The following HLCS variants were observed in gnomAD, a reference collection of about 807,000 sequenced individuals.
HLCS encodes the protein biotin--protein ligase.
In HLCS, 53 loss-of-function variants were observed where a neutral mutation model predicts 75.0. The observed-to-expected ratio is 0.71, with a 90% CI of 0.57 to 0.89. The LOEUF is 0.89. HLCS is among the 40% of genes least tolerant of loss of function. The pLI is 0.00. For synonymous variants in HLCS, 431 were observed against 428.6 expected (o/e 1.01, Z -0.07); for missense variants, 966 against 1,074.0 (o/e 0.90, Z 1.41).
intron 6 of HLCS, among the ~76,000 whole-genome samples, chr21:36,827,321 C>A (rs2062037850): frequency 6.6e-6 from 1 of 152,118 alleles, no homozygotes; most frequent in South Asian, 2.1e-4. Context: ...GTAATCCCAG[C>A]ACTTTGGGAT....
chr21:36,932,401 G>A (rs1001420173), intron 4 of HLCS, among the ~76,000 whole-genome samples: 9 of 152,152 alleles, frequency 5.9e-5, no homozygotes, highest in Non-Finnish European at 1.3e-4. Context: ...TACTGAGGAA[G>A]GCATACGATT....
In HLCS at chr21:36,752,815, G is replaced by A. The variant is rs2089419844; in HGVS notation, c.*1431C>T. 1 of 152,206 alleles carries A rather than the reference G, an allele frequency of 6.6e-6. No homozygotes were observed. Among genetic ancestry groups the A allele is most frequent in the Non-Finnish European group, 1.5e-5 (1 of 68,032 alleles). 9.4% of individuals were successfully genotyped at this position (152,206 alleles called of 1,614,324 possible). A position where few individuals can be genotyped will look rare whatever the true frequency, so the allele number is the denominator to read the frequency against. On this transcript the variant is annotated 3_prime_UTR_variant, in exon 11 of 11. Coordinates refer to ENST00000674895, the MANE Select transcript of HLCS (RefSeq NM_001352514.2). ...AGACAGACTATACTAAAAACCACAA[G>A]TTTCTGGAATTAGCCTGACTGGGTA... is the stretch of plus-strand genomic sequence containing the variant.
At chr21:36,947,593 G>C in intron 2 of HLCS, 1 of 985,432 alleles carries the variant, frequency 1.0e-6, no homozygotes, top group Non-Finnish European at 1.2e-6. Context: ...AGCCCTGGCT[G>C]TCCCTAAACA....
upstream of HLCS, among the ~76,000 whole-genome samples, chr21:36,971,268 T>C (rs953755042): frequency 6.6e-6 from 1 of 152,024 alleles, no homozygotes; most frequent in Non-Finnish European, 1.5e-5. Context: ...GGCCTCAGAG[T>C]AGCCTTACCC....
intron 6 of HLCS, among the ~76,000 whole-genome samples, chr21:36,775,341 G>A (rs1049534053): frequency 2.4e-4 from 36 of 152,208 alleles, no homozygotes; most frequent in Non-Finnish European, 4.4e-4. Flanking sequence ...ATGTTGGTCT[G>A]TATTATCCAA....
At chr21:36,920,002 C>T (rs191864259) in intron 5 of HLCS, among the ~76,000 whole-genome samples, 1 of 152,254 alleles carries the variant, frequency 6.6e-6, no homozygotes, top group African/African-American at 2.4e-5. Flanking sequence ...TGTCTACCCT[C>T]CCTCCCAACA....
At chr21:36,973,772 C>G (rs1286466670) in intron 1 of HLCS, 1 of 152,248 alleles carries the variant, frequency 6.6e-6, no homozygotes, top group Non-Finnish European at 1.5e-5. Flanking sequence ...GGGTGGATCA[C>G]CTGAGGTCAG....
intron 6 of HLCS, among the ~76,000 whole-genome samples, chr21:36,772,484 A>G (rs2060237142): frequency 6.6e-6 from 1 of 151,908 alleles, no homozygotes; most frequent in Non-Finnish European, 1.5e-5. Flanking sequence ...CAAAAAATAC[A>G]AAAATTTAGC....
chr21:36,953,915 C>T (rs80173850), intron 2 of HLCS, among the ~76,000 whole-genome samples: 3,824 of 152,192 alleles, frequency 0.025, 164 homozygotes, highest in African/African-American at 0.083. Context: ...TAAAAAATTC[C>T]CATGGTCTAA....
At chr21:36,784,518 G>C (rs773268327) in intron 6 of HLCS, among the ~76,000 whole-genome samples, 5 of 151,968 alleles carry the variant, frequency 3.3e-5, no homozygotes, top group Non-Finnish European at 7.4e-5. Context: ...GTTTTGCCAT[G>C]TTGGCCAGGC....
chr21:36,950,447 A>C (rs2067617851), intron 2 of HLCS, among the ~76,000 whole-genome samples: 2 of 151,580 alleles, frequency 1.3e-5, no homozygotes, highest in South Asian at 4.2e-4. Flanking sequence ...TCCTAGGCAG[A>C]AAGTCACGGG....
At chr21:36,982,682 T>C (rs1359507994) in intron 1 of HLCS, among the ~76,000 whole-genome samples, 1 of 152,216 alleles carries the variant, frequency 6.6e-6, no homozygotes. Flanking sequence ...TTACGCATTG[T>C]AGCTGGGATT....
intron 6 of HLCS, among the ~76,000 whole-genome samples, chr21:36,787,571 C>T (rs2060726932): frequency 1.3e-5 from 2 of 152,212 alleles, no homozygotes; most frequent in Admixed American, 1.3e-4. Flanking sequence ...ACTGGTTCCT[C>T]TCCCCTGGTT....
intron 5 of HLCS, among the ~76,000 whole-genome samples, chr21:36,922,758 G>A (rs1013398622): frequency 1.2e-4 from 19 of 152,144 alleles, no homozygotes; most frequent in Non-Finnish European, 2.2e-4. Context: ...GGGGAAATGG[G>A]GGATTAAACA....
intron 6 of HLCS, among the ~76,000 whole-genome samples, chr21:36,888,474 ATATATATATATATATATATATATT>A (rs1569149828): frequency 3.4e-4 from 28 of 82,336 alleles, no homozygotes; most frequent in Admixed American, 1.7e-3. Flanking sequence ...ATATATATAT[ATATATATATATATATATATATATT>A]TATTTATTTA....
At chr21:36,914,942 A>ACC (rs1286102015) in intron 5 of HLCS, among the ~76,000 whole-genome samples, 2 of 152,252 alleles carry the variant, frequency 1.3e-5, no homozygotes, top group African/African-American at 4.8e-5. Context: ...GAGGGCATGG[A>ACC]AAACGCTGGG....
intron 2 of HLCS, among the ~76,000 whole-genome samples, chr21:36,955,632 T>C (rs944499059): frequency 2.6e-5 from 4 of 152,166 alleles, no homozygotes; most frequent in African/African-American, 7.2e-5. Context: ...AGTAAAAATA[T>C]GATAGTAAGC....
chr21:36,872,334 T>C (rs927395422), intron 6 of HLCS, among the ~76,000 whole-genome samples: 4 of 148,448 alleles, frequency 2.7e-5, no homozygotes, highest in Non-Finnish European at 5.9e-5. Context: ...GAGTTTGCAG[T>C]GAGCCGAGAT....
chr21:36,840,067 C>T (rs1344067707), intron 6 of HLCS, among the ~76,000 whole-genome samples: 1 of 152,118 alleles, frequency 6.6e-6, no homozygotes, highest in African/African-American at 2.4e-5. Flanking sequence ...TAAGGATGTA[C>T]CTTAAATAGC....
Sources: gnomAD v4.1 joint callset for allele counts (sites outside exome capture counted in the v4.1 genomes callset) on GRCh38, gnomAD v4.1.1 for gene constraint, MANE v1.5 for transcripts, NCBI Gene and HGNC (gene_info 2026-07-23, HGNC 2026-07-21) for gene names.